TNXB: variants seen among roughly 807,000 people sequenced by gnomAD.
The protein encoded by TNXB is tenascin-X.
Under a neutral mutation model 340.5 loss-of-function variants are expected in TNXB, and 183 were observed. The ratio of observed to expected loss-of-function variants is 0.54; its 90% CI spans 0.48 to 0.61. TNXB has a LOEUF of 0.61. Among genes scored for constraint, TNXB ranks in the 20% least tolerant of loss-of-function variants. The pLI, the probability that TNXB is intolerant of heterozygous loss-of-function variation, is 0.00. For synonymous variants in TNXB, 2,121 were observed against 2,314.5 expected (o/e 0.92, Z 2.40); for missense variants, 4,613 against 5,446.4 (o/e 0.85, Z 4.82).
In TNXB at chr6:32,067,907, C is replaced by T; in HGVS notation, c.6298G>A (p.Glu2100Lys). 1.2e-6 allele frequency: 2 copies of T among 1,612,652 alleles called. No homozygotes were observed. Among genetic ancestry groups the T allele is most frequent in the Non-Finnish European group, 8.5e-7 (1 of 1,179,862 alleles). Residue 2100 changes from glutamate to lysine, a missense_variant, in exon 18 of 44, where the codon GAG becomes AAG. Coordinates refer to ENST00000644971, the MANE Select transcript of TNXB (RefSeq NM_001365276.2). This position sits in a 1 kb window ranked among gnomAD's most constrained non-coding sequence, Gnocchi z 4.2. ...PEPAEEPLLGELTVTGSSPDS... is the reference protein window; with the variant it reads ...PEPAEEPLLGKLTVTGSSPDS... ...GGGGAGGATCCTGTCACTGTTAGCT[C>T]CCCCAGGAGCGGCTCCTCAGCGGGC... is the stretch of plus-strand genomic sequence containing the variant.
At chr6:32,055,484 C>T (rs1050491579) in intron 24 of TNXB, among the ~76,000 whole-genome samples, 1 of 152,200 alleles carries the variant, frequency 6.6e-6, no homozygotes, top group African/African-American at 2.4e-5. Flanking sequence ...CGCTGCCCCT[C>T]ACTGCCTTCT....
In TNXB at chr6:32,097,738, G is replaced by T; in HGVS notation, c.403+58C>A. On this transcript the variant is annotated intron_variant, in intron 2 of 43. Transcript: ENST00000644971. The surrounding 1 kb of genome is among the most constrained non-coding windows in gnomAD (Gnocchi z 5.9). ...CTAATTCATACCAAGGACCTTTATG[G>T]ACTAGCAATGCCCACCCCACCCCAC... 6.8e-7 allele frequency: 1 copy of T among 1,479,840 alleles called. No individual in the cohort carries two copies. 91.7% of individuals were successfully genotyped at this position (1,479,840 alleles called of 1,614,324 possible).
At chr6:32,065,379 C>A (rs1477511396) in intron 18 of TNXB, among the ~76,000 whole-genome samples, 1 of 152,172 alleles carries the variant, frequency 6.6e-6, no homozygotes, top group Non-Finnish European at 1.5e-5. Flanking sequence ...CATCCCCACA[C>A]TTCCTTTAAG....
At chr6:32,107,034 C>T (rs1056132296) in intron 1 of TNXB, among the ~76,000 whole-genome samples, 15 of 152,262 alleles carry the variant, frequency 9.9e-5, no homozygotes, top group African/African-American at 3.6e-4. Flanking sequence ...TCCTCCACAC[C>T]TAGTCATTGG....
intron 1 of TNXB, among the ~76,000 whole-genome samples, chr6:32,099,102 G>A (rs1156302635): frequency 6.6e-6 from 1 of 152,160 alleles, no homozygotes; most frequent in African/African-American, 2.4e-5. Flanking sequence ...GCACATAAAT[G>A]TTCTATCTGA....
rs920833637 is a variant in TNXB at position 32,079,697 on chromosome 6, C to A, written c.4043-332G>T. ...AGTGAGGCCTCTTCCTACCTGTGCC[C>A]TCCCCAGGGCACTCTGGCTGCCCCA... On this transcript the variant is annotated intron_variant, in intron 10 of 43. Coordinates refer to ENST00000644971, the MANE Select transcript of TNXB (RefSeq NM_001365276.2). This position sits in a 1 kb window ranked among gnomAD's most constrained non-coding sequence, Gnocchi z 7.1. 5.9e-5 allele frequency among the ~76,000 whole-genome samples: 9 copies of A among 152,198 alleles called. No individual in the cohort carries two copies. Among genetic ancestry groups the A allele is most frequent in the Non-Finnish European group, 1.2e-4 (8 of 68,012 alleles).
chr6:32,102,994 T>C (rs1015832869), intron 1 of TNXB, among the ~76,000 whole-genome samples: 7 of 152,184 alleles, frequency 4.6e-5, no homozygotes, highest in African/African-American at 1.2e-4. Context: ...AGATTACTTG[T>C]AGGGATTATT....
chr6:32,078,152 G>T (rs572122389), intron 11 of TNXB, among the ~76,000 whole-genome samples: 20 of 150,496 alleles, frequency 1.3e-4, no homozygotes, highest in African/African-American at 4.4e-4. Context: ...AAAGAAGAAA[G>T]AGAAAGCTTT....
intron 1 of TNXB, among the ~76,000 whole-genome samples, chr6:32,100,144 G>A (rs956264006): frequency 3.3e-5 from 5 of 149,276 alleles, no homozygotes; most frequent in Middle Eastern, 3.4e-3. Flanking sequence ...TTGCTCTGTC[G>A]CCCAGAGTGG....
At chr6:32,043,639 G>C (rs1455918141) in intron 35 of TNXB, 83 bp from the exon 36 acceptor site, 8 of 1,497,424 alleles carry the variant, frequency 5.3e-6, no homozygotes, top group Admixed American at 3.4e-5. Flanking sequence ...CCTCCCGTCC[G>C]CAATCGGAGC....
In TNXB at chr6:32,041,618, C is replaced by G. The variant is rs1345297964; in HGVS notation, c.12633+153G>C. 1.1e-5 allele frequency: 12 copies of G among 1,082,782 alleles called. No individual in the cohort carries two copies. The East Asian group carries it at 1.3e-4, about 12-fold the overall frequency. 67.1% of individuals were successfully genotyped at this position (1,082,782 alleles called of 1,614,324 possible). On this transcript the variant is annotated intron_variant, in intron 43 of 43. Transcript: ENST00000644971. ...TTAATTCTGAGCTGGCCCTTTCCAG[C>G]CAATAAATCAACTCCAGCTCCCTCT...
At position 32,096,483 on chromosome 6, in the gene TNXB, C is replaced by A. The variant is rs757394616; in HGVS notation, c.1370G>T (p.Ser457Ile). The A allele has an allele frequency of 1.2e-6, 2 of 1,600,118 alleles. No homozygotes were observed. The highest frequency in any genetic ancestry group is 1.7e-6 in the Non-Finnish European group (2 of 1,179,132). ...GCTGCGCACACCGCAGTCCTCGCCG[C>A]TGTAGCCCGCATTGCAAACACACAC... is the stretch of plus-strand genomic sequence containing the variant. ...NGVCVCNAGY[S>I]GEDCGVRSCP... The change falls in exon 3 of 44, where the codon AGC becomes ATC. Residue 457 changes from serine (S) to isoleucine (I), a missense_variant. Ser to Ile is a moderately radical substitution (Grantham distance 142, BLOSUM62 -2). This residue lies in a region of TNXB where 4,327 missense variants were observed against 4,859.4 expected (regional missense o/e 0.89). Transcript: ENST00000644971.
Position 32,082,009 on chromosome 6 carries a change from A to G in TNXB, c.3736+27T>C, listed in dbSNP as rs746976031. On this transcript the variant is annotated intron_variant, in intron 9 of 43. Coordinates refer to ENST00000644971, the MANE Select transcript of TNXB (RefSeq NM_001365276.2). This position sits in a 1 kb window ranked among gnomAD's most constrained non-coding sequence, Gnocchi z 5.0. ...GTGCATGGGGCTGAGAAGGGGTCAC[A>G]TGGGGGCTGAGGTGGCTGCTACTCA... is the stretch of plus-strand genomic sequence containing the variant. 4.4e-6 allele frequency: 7 copies of G among 1,585,324 alleles called. No individual in the cohort carries two copies. The highest frequency in any genetic ancestry group is 1.8e-5 in the Admixed American group (1 of 55,748).
rs755780694 is a variant in TNXB, at chr6:32,062,776, C to T, written c.6842-293G>A. Among the ~76,000 whole-genome samples the T allele has an allele frequency of 3.3e-5, 5 of 152,184 alleles. No individual in the cohort carries two copies. The highest frequency in any genetic ancestry group is 7.4e-5 in the Non-Finnish European group (5 of 68,018). ...TGCTTTATAAGAACACCAACCAGGG[C>T]CGGGTGTGGTGGCTCAGGCCTGTAA... On this transcript the variant is annotated intron_variant, in intron 19 of 43. Coordinates refer to ENST00000644971, the MANE Select transcript of TNXB (RefSeq NM_001365276.2). This position sits in a 1 kb window ranked among gnomAD's most constrained non-coding sequence, Gnocchi z 4.3.
chr6:32,061,823 A>G lies in TNXB; in HGVS notation c.7169-103T>C. Reference sequence around the variant, plus strand: ...GCTATGACTAGGGGACATATGAAATAGCCAAGGCTATGACTAGGGGACCTG... The same window carrying G: ...GCTATGACTAGGGGACATATGAAATGGCCAAGGCTATGACTAGGGGACCTG... On this transcript the variant is annotated intron_variant, in intron 20 of 43. Transcript: ENST00000644971. This position sits in a 1 kb window ranked among gnomAD's most constrained non-coding sequence, Gnocchi z 4.4. The G allele has an allele frequency of 6.8e-7, 1 of 1,460,196 alleles. No homozygotes were observed. Among genetic ancestry groups the G allele is most frequent in the Non-Finnish European group, 9.2e-7 (1 of 1,086,578 alleles). The allele number at this position is 1,460,196 out of a possible 1,614,324, so 90.5% of individuals were successfully genotyped here.
At position 32,070,087 on chromosome 6, in the gene TNXB, G is replaced by A. The variant is rs555357121; in HGVS notation, c.5278+40C>T. The A allele has an allele frequency of 2.7e-6, 4 of 1,505,762 alleles. No individual in the cohort carries two copies. In the East Asian group the frequency reaches 9.2e-5, roughly 34 times the overall value. The allele number at this position is 1,505,762 out of a possible 1,614,324, so 93.3% of individuals were successfully genotyped here. Reference sequence around the variant, plus strand: ...CAAGTGACCGTCTGCTGCTTGGCCTGAGGGGAGCAGAGCAGGGACCTGCAG... The same window carrying A: ...CAAGTGACCGTCTGCTGCTTGGCCTAAGGGGAGCAGAGCAGGGACCTGCAG... On this transcript the variant is annotated intron_variant, in intron 14 of 43. Transcript: ENST00000644971. This position sits in a 1 kb window ranked among gnomAD's most constrained non-coding sequence, Gnocchi z 6.0.
chr6:32,092,905 G>A (rs1414759172), intron 4 of TNXB, among the ~76,000 whole-genome samples: 2 of 152,156 alleles, frequency 1.3e-5, no homozygotes, highest in African/African-American at 4.8e-5. Flanking sequence ...TGCCCATACC[G>A]AGAGCAGAAT....
At position 32,087,230 on chromosome 6, in the gene TNXB, C is replaced by T. The variant is rs779987353; in HGVS notation, c.2780-1112G>A. On this transcript the variant is annotated intron_variant, in intron 6 of 43. Transcript: ENST00000644971. This position sits in a 1 kb window ranked among gnomAD's most constrained non-coding sequence, Gnocchi z 9.0. ...GAGGCTGGACAAGGGATAGGTGTCC[C>T]GTGGCCCCAGCCCACACTACCTGTG... 2.0e-6 allele frequency: 1 copy of T among 494,022 alleles called. No homozygotes were observed. Among genetic ancestry groups the T allele is most frequent in the Non-Finnish European group, 4.0e-6 (1 of 248,696 alleles). 30.6% of individuals were successfully genotyped at this position (494,022 alleles called of 1,614,324 possible). A position where few individuals can be genotyped will look rare whatever the true frequency, so the allele number is the denominator to read the frequency against.
chr6:32,065,085 C>G lies in TNXB; in HGVS notation c.6577G>C (p.Ala2193Pro). ...GTCATCTGCCCTAGGCGCAGCTTTG[C>G]AAGAGGAGCATCAGGGGACTCCTCT... ...PEEESPDAPL[A>P]KLRLGQMTVR... The change falls in exon 19 of 44, where the codon GCA (alanine) becomes CCA (proline). Residue 2193 changes from alanine (A) to proline (P), a missense_variant. Transcript: ENST00000644971. 1 of 1,591,240 alleles carries G rather than the reference C, an allele frequency of 6.3e-7. No individual in the cohort carries two copies. The highest frequency in any genetic ancestry group is 8.6e-7 in the Non-Finnish European group (1 of 1,168,768).
Sources: allele counts gnomAD v4.1 joint callset (sites outside exome capture counted in the v4.1 genomes callset), GRCh38; gene constraint gnomAD v4.1.1; regional missense constraint gnomAD v4.1.1; non-coding constraint Gnocchi (gnomAD v3.1); transcripts MANE v1.5; gene names NCBI Gene and HGNC (gene_info 2026-07-23, HGNC 2026-07-21).